Variants in CFAP61 observed in about 807,000 individuals in gnomAD.
CFAP61 encodes the protein cilia- and flagella-associated protein 61.
In CFAP61, 107 loss-of-function variants were observed where a neutral mutation model predicts 135.6. That is an observed-to-expected ratio of 0.79 (90% CI 0.67 to 0.93). CFAP61 has a LOEUF of 0.93. Among genes scored for constraint, CFAP61 ranks in the 40% least tolerant of loss-of-function variants. The pLI, the probability that CFAP61 is intolerant of heterozygous loss-of-function variation, is 0.00. For missense variants in CFAP61, 1,507 were observed against 1,556.2 expected, an observed-to-expected ratio of 0.97 and a Z score of 0.53; for synonymous variants, 575 against 578.5, an observed-to-expected ratio of 0.99 and a Z score of 0.09.
chr20:20,173,439 T>C (rs1169562916), intron 13 of CFAP61, among the ~76,000 whole-genome samples: 2 of 152,190 alleles, frequency 1.3e-5, no homozygotes, highest in Admixed American at 1.3e-4. Context: ...TTGCCAGCAT[T>C]TGGTGTCATC....
At chr20:20,097,181 TCTGA>T (rs903059113) in intron 7 of CFAP61, among the ~76,000 whole-genome samples, 17 of 152,168 alleles carry the variant, frequency 1.1e-4, no homozygotes, top group African/African-American at 3.9e-4. Flanking sequence ...AAGCATTTTC[TCTGA>T]CTGGGCATTT....
intron 17 of CFAP61, among the ~76,000 whole-genome samples, chr20:20,212,708 C>T (rs1416190448): frequency 6.6e-6 from 1 of 152,188 alleles, no homozygotes; most frequent in Non-Finnish European, 1.5e-5. Context: ...GTTGGTCACT[C>T]CCTGCTCCTG....
intron 26 of CFAP61, among the ~76,000 whole-genome samples, chr20:20,342,627 G>C (rs546324420): frequency 6.6e-6 from 1 of 152,254 alleles, no homozygotes; most frequent in African/African-American, 2.4e-5. Context: ...CTTCTACCTC[G>C]TGTTACCGTC....
At chr20:20,262,934 G>C (rs1228492996) in intron 20 of CFAP61, 22 bp from the exon 21 acceptor site, 2 of 1,531,416 alleles carry the variant, frequency 1.3e-6, no homozygotes, top group African/African-American at 2.8e-5. Flanking sequence ...ACTGAAATAA[G>C]CATTTCTCTA....
At chr20:20,286,488 C>A (rs1369300007) in intron 22 of CFAP61, among the ~76,000 whole-genome samples, 1 of 152,246 alleles carries the variant, frequency 6.6e-6, no homozygotes, top group Non-Finnish European at 1.5e-5. Context: ...GTTTATCAGA[C>A]TACTGACTCC....
intron 8 of CFAP61, among the ~76,000 whole-genome samples, chr20:20,120,924 A>G (rs1226169401): frequency 2.0e-5 from 3 of 152,028 alleles, no homozygotes; most frequent in Non-Finnish European, 4.4e-5. Flanking sequence ...AGTCAATTTC[A>G]TCTGATATTA....
chr20:20,294,788 C>T (rs1462751002), intron 24 of CFAP61, among the ~76,000 whole-genome samples: 1 of 151,030 alleles, frequency 6.6e-6, no homozygotes, highest in Non-Finnish European at 1.5e-5. Context: ...ATTAGCCGGG[C>T]GCGGTGGCTG....
At chr20:20,111,143 A>G (rs1390722372) in intron 8 of CFAP61, among the ~76,000 whole-genome samples, 4 of 152,230 alleles carry the variant, frequency 2.6e-5, no homozygotes, top group African/African-American at 9.6e-5. Flanking sequence ...AGATAATAAA[A>G]TTAATATTAT....
At chr20:20,356,708 G>GA (rs1569333646) in intron 26 of CFAP61, among the ~76,000 whole-genome samples, 2 of 7,298 alleles carry the variant, frequency 2.7e-4, no homozygotes, top group Non-Finnish European at 6.1e-4. Flanking sequence ...TGGTCACACT[G>GA]GGGAGGTGGT....
At chr20:20,353,791 AC>A (rs1385215913) in intron 26 of CFAP61, among the ~76,000 whole-genome samples, 3 of 152,200 alleles carry the variant, frequency 2.0e-5, no homozygotes, top group Non-Finnish European at 2.9e-5. Flanking sequence ...GTGAGCTACC[AC>A]CTCACCCTTG....
chr20:20,206,462 T>C (rs77061143), intron 17 of CFAP61, among the ~76,000 whole-genome samples: 6,214 of 152,272 alleles, frequency 0.041, 165 homozygotes, highest in Middle Eastern at 0.11. Flanking sequence ...AGACAACCAG[T>C]AGTCTACTTA....
At chr20:20,109,579 A>G (rs756030728) in intron 8 of CFAP61, among the ~76,000 whole-genome samples, 24 of 151,886 alleles carry the variant, frequency 1.6e-4, no homozygotes, top group Non-Finnish European at 3.4e-4. Context: ...AGCAAGGCAG[A>G]CTCCCTTCCC....
chr20:20,096,676 C>T (rs772447212), intron 7 of CFAP61, among the ~76,000 whole-genome samples: 4 of 152,214 alleles, frequency 2.6e-5, no homozygotes, highest in Admixed American at 6.5e-5. Flanking sequence ...TCAGGCTGGC[C>T]GTCTCTTTCT....
intron 25 of CFAP61, among the ~76,000 whole-genome samples, chr20:20,320,884 G>C (rs2057478592): frequency 6.6e-6 from 1 of 151,716 alleles, no homozygotes; most frequent in Non-Finnish European, 1.5e-5. Context: ...CCAAAGAGGA[G>C]AGGAGGGAGG....
chr20:20,106,005 T>C (rs6046628), intron 8 of CFAP61, among the ~76,000 whole-genome samples: 2,715 of 8,880 alleles, frequency 0.31, 177 homozygotes, highest in East Asian at 0.67. Flanking sequence ...CTTGCCTATA[T>C]ATATATATAT....
At chr20:20,203,056 G>A (rs2146899798) in intron 17 of CFAP61, among the ~76,000 whole-genome samples, 1 of 152,150 alleles carries the variant, frequency 6.6e-6, no homozygotes. Flanking sequence ...AGGGAAATAT[G>A]CCCTCGCTCC....
intron 22 of CFAP61, among the ~76,000 whole-genome samples, chr20:20,281,871 A>G (rs1198058926): frequency 6.6e-6 from 1 of 152,230 alleles, no homozygotes; most frequent in Non-Finnish European, 1.5e-5. Context: ...AGAATTAACC[A>G]GTGAAACAAT....
At chr20:20,236,512 G>C (rs912189821) in intron 18 of CFAP61, among the ~76,000 whole-genome samples, 1 of 151,934 alleles carries the variant, frequency 6.6e-6, no homozygotes, top group Non-Finnish European at 1.5e-5. Flanking sequence ...ATTACTTTGG[G>C]GCTTACCAGG....
intron 25 of CFAP61, among the ~76,000 whole-genome samples, chr20:20,334,172 G>A (rs1186406529): frequency 6.6e-6 from 1 of 152,154 alleles, no homozygotes; most frequent in African/African-American, 2.4e-5. Flanking sequence ...TGTCGCCCAG[G>A]CTAGAGAGCA....
Sources: allele counts gnomAD v4.1 joint callset (sites outside exome capture counted in the v4.1 genomes callset), GRCh38; gene constraint gnomAD v4.1.1; transcripts MANE v1.5; gene names NCBI Gene and HGNC (gene_info 2026-07-23, HGNC 2026-07-21).